Variants in ATP10A observed in about 807,000 individuals in gnomAD.
The protein encoded by ATP10A is ATPase phospholipid transporting 10A (putative), also known as phospholipid-transporting ATPase VA.
ATP10A carries 111 observed loss-of-function variants against 147.8 expected under a neutral mutation model. The observed-to-expected ratio is 0.75, with a 90% CI of 0.64 to 0.88. The LOEUF is 0.88. Ranked by LOEUF, ATP10A falls within the 40% of genes least tolerant of loss-of-function variation. The pLI, the probability that ATP10A is intolerant of heterozygous loss-of-function variation, is 0.00. For synonymous variants in ATP10A, 875 were observed against 841.6 expected (o/e 1.04, Z -0.69); for missense variants, 1,927 against 1,959.0 (o/e 0.98, Z 0.31).
At chr15:25,848,116 C>G (rs918606706) in intron 1 of ATP10A, among the ~76,000 whole-genome samples, 3 of 79,954 alleles carry the variant, frequency 3.8e-5, no homozygotes, top group African/African-American at 1.3e-4. Flanking sequence ...AAGACCTGGC[C>G]TCTAAAAAGT....
chr15:25,718,265 TG>T lies in ATP10A; in HGVS notation c.1497del (p.Lys500SerfsTer42). ...SVRVVHRTQS[T>X]KSHRRTGSRA... ...CGGCTGCCCGTGCGCCGGTGGGACT[TG>T]GTGCTCTGGGTTCTGTGCACCACCC... On this transcript the variant is annotated frameshift_variant, in exon 8 of 21. Coordinates refer to ENST00000555815, the MANE Select transcript of ATP10A (RefSeq NM_024490.4). LOFTEE classifies it high-confidence loss of function. 5 of 1,612,692 alleles carry T rather than the reference TG, an allele frequency of 3.1e-6. No homozygotes were observed. The highest frequency in any genetic ancestry group is 4.2e-6 in the Non-Finnish European group (5 of 1,179,964).
chr15:25,794,505 G>T (rs750799806), intron 1 of ATP10A, among the ~76,000 whole-genome samples: 19 of 152,114 alleles, frequency 1.2e-4, no homozygotes, highest in Non-Finnish European at 2.1e-4. Flanking sequence ...ACACTGCCCC[G>T]TCTTGGAAGA....
At chr15:25,748,817 C>T (rs562440841) in intron 2 of ATP10A, among the ~76,000 whole-genome samples, 169 of 151,464 alleles carry the variant, frequency 1.1e-3, no homozygotes, top group African/African-American at 3.6e-3. Flanking sequence ...CACTTTGGGA[C>T]GCCAAGATAG....
chr15:25,812,865 G>A (rs1345099), intron 1 of ATP10A, among the ~76,000 whole-genome samples: 66,594 of 152,052 alleles, frequency 0.44, 16,767 homozygotes, highest in East Asian at 0.74. Context: ...GTGCAGTGCA[G>A]GATTTACTCT....
intron 1 of ATP10A, among the ~76,000 whole-genome samples, chr15:25,860,796 G>A (rs1266002225): frequency 6.6e-6 from 1 of 152,196 alleles, no homozygotes; most frequent in Admixed American, 6.5e-5. Context: ...TCGGCAAGAT[G>A]GGTGTGATAG....
At chr15:25,774,100 C>T (rs1463359167) in intron 2 of ATP10A, among the ~76,000 whole-genome samples, 2 of 151,998 alleles carry the variant, frequency 1.3e-5, no homozygotes, top group African/African-American at 2.4e-5. Context: ...ACATTGTACG[C>T]TACCTTGAAC....
intron 1 of ATP10A, among the ~76,000 whole-genome samples, chr15:25,810,934 C>T (rs1001983503): frequency 6.6e-5 from 10 of 152,044 alleles, no homozygotes; most frequent in African/African-American, 2.2e-4. Context: ...AAAGCCAGGA[C>T]GGTCTGATCT....
intron 1 of ATP10A, among the ~76,000 whole-genome samples, chr15:25,791,897 C>A (rs1032032918): frequency 6.6e-6 from 1 of 152,294 alleles, no homozygotes; most frequent in Admixed American, 6.5e-5. Flanking sequence ...ATATATCTGA[C>A]TTCTCCAGGC....
At chr15:25,826,344 G>T (rs1309607712) in intron 1 of ATP10A, among the ~76,000 whole-genome samples, 1 of 152,174 alleles carries the variant, frequency 6.6e-6, no homozygotes, top group African/African-American at 2.4e-5. Flanking sequence ...TGGATCGCTT[G>T]AGCTCATGAG....
At chr15:25,697,534 G>A (rs1173577406) in intron 13 of ATP10A, among the ~76,000 whole-genome samples, 1 of 152,174 alleles carries the variant, frequency 6.6e-6, no homozygotes, top group African/African-American at 2.4e-5. Context: ...AAAGTTCCAA[G>A]AAGTAAGATT....
chr15:25,861,511 T>C (rs1276280809), intron 1 of ATP10A, among the ~76,000 whole-genome samples: 1 of 152,148 alleles, frequency 6.6e-6, no homozygotes, highest in Non-Finnish European at 1.5e-5. Flanking sequence ...CACGCATCCA[T>C]GGCTTCATCC....
chr15:25,786,125 T>C (rs151320257), intron 1 of ATP10A, among the ~76,000 whole-genome samples: 26 of 152,310 alleles, frequency 1.7e-4, no homozygotes, highest in African/African-American at 5.3e-4. Context: ...GGCAAGGTCG[T>C]GCCCAGGCGG....
In ATP10A at chr15:25,721,761, T is replaced by G; in HGVS notation, c.1259A>C (p.Gln420Pro). ...TTTATCTGAGAAAATGTACTGTATC[T>G]GTCCTAAGTCTTCCGTGATGTTCAG... is the stretch of plus-strand genomic sequence containing the variant. ...RALNITEDLG[Q>P]IQYIFSDKTG... The change falls in exon 7 of 21, where the codon CAG becomes CCG. Residue 420 changes from glutamine (Q) to proline (P), a missense_variant. Gln to Pro is a moderately conservative substitution (Grantham distance 76). Transcript: ENST00000555815. The G allele has an allele frequency of 6.2e-7, 1 of 1,614,242 alleles. No individual in the cohort carries two copies. Among genetic ancestry groups the G allele is most frequent in the Non-Finnish European group, 8.5e-7 (1 of 1,180,040 alleles).
At chr15:25,816,155 CAG>C (rs1346163354) in intron 1 of ATP10A, among the ~76,000 whole-genome samples, 1 of 151,640 alleles carries the variant, frequency 6.6e-6, no homozygotes, top group African/African-American at 2.4e-5. Context: ...AGTTGGTAAA[CAG>C]AACTTCGAGA....
Position 25,680,114 on chromosome 15 carries a change from C to A in ATP10A, c.3866+7G>T, listed in dbSNP as rs543253900. 2 of 1,612,858 alleles carry A rather than the reference C, an allele frequency of 1.2e-6. No homozygotes were observed. The highest frequency in any genetic ancestry group is 2.2e-5 in the East Asian group (1 of 44,856). ...GCTCAGAGGCACTATCCCGCTCCGA[C>A]ACCCACCTGGGCAGCAGTGCAGCGA... is the stretch of plus-strand genomic sequence containing the variant. On this transcript the variant is annotated splice_region_variant and intron_variant, in intron 20 of 20. Coordinates refer to ENST00000555815, the MANE Select transcript of ATP10A (RefSeq NM_024490.4).
intron 2 of ATP10A, among the ~76,000 whole-genome samples, chr15:25,738,028 C>A (rs765465967): frequency 1.3e-5 from 2 of 152,202 alleles, no homozygotes; most frequent in Non-Finnish European, 2.9e-5. Flanking sequence ...CCCCAGTAAA[C>A]GAATACAGAG....
chr15:25,788,459 C>T (rs994287512), intron 1 of ATP10A, among the ~76,000 whole-genome samples: 5 of 152,230 alleles, frequency 3.3e-5, no homozygotes, highest in Non-Finnish European at 5.9e-5. Flanking sequence ...CCGTCCCACC[C>T]GCTTCACGCT....
intron 1 of ATP10A, among the ~76,000 whole-genome samples, chr15:25,783,541 A>G (rs965448047): frequency 6.6e-6 from 1 of 152,106 alleles, no homozygotes; most frequent in South Asian, 2.1e-4. Context: ...TGCTGAAGAG[A>G]GGAGTGTCCC....
rs752416936 is a variant in ATP10A at position 25,680,240 on chromosome 15, A to C, written c.3747T>G (p.Asn1249Lys). ...GAGGATAGCACGTGGCACAAGACGC[A>C]TTGTAAATCAAAGCCACGGTGAAAA... ...LLFFTVALIY[N>K]ASCATCYPPS... Residue 1249 changes from asparagine (N) to lysine (K), a missense_variant, in exon 20 of 21, where the codon AAT becomes AAG. By Grantham distance (94) the Asn-to-Lys change is moderately conservative (BLOSUM62 0). Transcript: ENST00000555815. The C allele has an allele frequency of 9.9e-6, 16 of 1,614,196 alleles. No individual in the cohort carries two copies. The highest frequency in any genetic ancestry group is 1.3e-5 in the Non-Finnish European group (15 of 1,180,010).
Sources: allele counts gnomAD v4.1 joint callset (sites outside exome capture counted in the v4.1 genomes callset), GRCh38; gene constraint gnomAD v4.1.1; transcripts MANE v1.5; gene names NCBI Gene and HGNC (gene_info 2026-07-23, HGNC 2026-07-21).